Variants in DYNLT3 observed in about 807,000 individuals in gnomAD.
DYNLT3 encodes protein 91/23.
Under a neutral mutation model 11.0 loss-of-function variants are expected in DYNLT3, and 4 were observed. The ratio of observed to expected loss-of-function variants is 0.36; its 90% CI spans 0.18 to 0.83. DYNLT3 has a LOEUF of 0.83. Ranked by LOEUF, DYNLT3 falls within the 40% of genes least tolerant of loss-of-function variation. The probability of loss-of-function intolerance (pLI) is 0.47; values close to 1 mark genes in which losing one functional copy is unlikely to be tolerated. For missense variants in DYNLT3, 91 were observed against 91.1 expected (o/e 1.00, Z 0.01); for synonymous variants, 37 against 31.2 (o/e 1.18, Z -0.61).
intron 2 of DYNLT3, among the ~76,000 whole-genome samples, chrX:37,844,761 T>C (rs192102172): frequency 9.0e-6 from 1 of 111,184 alleles, no homozygotes; most frequent in Admixed American, 9.5e-5. Flanking sequence ...GTGTTGAACT[T>C]GGGCTTTAGT....
chrX:37,844,703 G>A (rs1441527223), intron 2 of DYNLT3, among the ~76,000 whole-genome samples: 1 of 111,849 alleles, frequency 8.9e-6, no homozygotes, highest in Non-Finnish European at 1.9e-5. Context: ...TACCTGGTTG[G>A]TGGGTGATAA....
At chrX:37,847,147 C>T in intron 1 of DYNLT3, 2 of 1,144,539 alleles carry the variant, frequency 1.7e-6, no homozygotes, top group Non-Finnish European at 2.3e-6. Context: ...AGCGGGAAGA[C>T]CCGTTTTCGA....
At chrX:37,847,028 C>A in intron 1 of DYNLT3, 5 of 1,166,514 alleles carry the variant, frequency 4.3e-6, no homozygotes, top group Non-Finnish European at 5.7e-6. Flanking sequence ...CTTGCCTAAT[C>A]CTGGCAAGCA....
At position 37,840,750 on chromosome X, in the gene DYNLT3, AT is replaced by A; in HGVS notation, c.275-100del. ...CACACACACACACACACACACACAT[AT>A]ACACACACACACACACACACACACA... On this transcript the variant is annotated intron_variant, in intron 4 of 4. Transcript: ENST00000378578. The A allele has an allele frequency of 1.3e-5, 4 of 314,311 alleles. No homozygotes were observed. In the South Asian group the frequency reaches 3.6e-4, roughly 28 times the overall value. 25.9% of individuals were successfully genotyped at this position (314,311 alleles called of 1,213,427 possible). A position where few individuals can be genotyped will look rare whatever the true frequency, so the allele number is the denominator to read the frequency against.
chrX:37,844,300 G>GT (rs1930226659), intron 2 of DYNLT3, among the ~76,000 whole-genome samples: 1 of 99,560 alleles, frequency 1.0e-5, no homozygotes, highest in Non-Finnish European at 1.9e-5. Context: ...GAACAGAAAA[G>GT]CTTAGAATGA....
chrX:37,845,540 G>C (rs1930251941), intron 2 of DYNLT3, among the ~76,000 whole-genome samples: 2 of 111,538 alleles, frequency 1.8e-5, no homozygotes, highest in Admixed American at 1.9e-4. Flanking sequence ...AATTATATTG[G>C]GCAAAAAAGT....
chrX:37,841,275 G>A lies in DYNLT3; in HGVS notation c.197-170C>T, dbSNP rs1315642448. 4.5e-5 allele frequency among the ~76,000 whole-genome samples: 5 copies of A among 111,516 alleles called. No individual in the cohort carries two copies. In the Admixed American group the frequency reaches 4.8e-4, roughly 11 times the overall value. On this transcript the variant is annotated intron_variant, in intron 3 of 4. Transcript: ENST00000378578. ...CAAATAGATTGAAAAAAAAATAAAA[G>A]ACTCTCATCTTTATCTACCATCATG...
intron 2 of DYNLT3, among the ~76,000 whole-genome samples, chrX:37,842,542 T>C (rs1238343589): frequency 9.0e-6 from 1 of 111,685 alleles, no homozygotes; most frequent in Non-Finnish European, 1.9e-5. Context: ...AAGTCAAATA[T>C]CATAATTTCC....
chrX:37,847,458 C>A, intron 1 of DYNLT3, 23 bp downstream of exon 1: 1 of 999,318 alleles, frequency 1.0e-6, no homozygotes, highest in African/African-American at 2.0e-5. Context: ...GGGGGGCGCT[C>A]CCAGGTAGCC....
At chrX:37,846,695 A>C (rs1461328736) in intron 1 of DYNLT3, among the ~76,000 whole-genome samples, 2 of 111,997 alleles carry the variant, frequency 1.8e-5, no homozygotes, top group Non-Finnish European at 3.8e-5. Flanking sequence ...TGTCATAAGA[A>C]TATAGAAATG....
chrX:37,844,754 T>C (rs1930235707), intron 2 of DYNLT3, among the ~76,000 whole-genome samples: 1 of 111,094 alleles, frequency 9.0e-6, no homozygotes, highest in African/African-American at 3.3e-5. Context: ...CCCAAATGTG[T>C]TGAACTTGGG....
At chrX:37,840,777 CACACACACACACATAT>C (rs2042995372) in intron 4 of DYNLT3, 126 bp from the exon 5 acceptor site, 1 of 388,120 alleles carries the variant, frequency 2.6e-6, no homozygotes, top group Non-Finnish European at 4.2e-6. Flanking sequence ...CACACACACA[CACACACACACACATAT>C]ATATATATAT....
At chrX:37,840,936 T>C in intron 4 of DYNLT3, 92 bp downstream of exon 4, 6 of 939,927 alleles carry the variant, frequency 6.4e-6, no homozygotes, top group Non-Finnish European at 9.1e-6. Context: ...CTTTTCAGAA[T>C]TTAATCAGAA....
chrX:37,846,094 C>T (rs142973587), intron 2 of DYNLT3, among the ~76,000 whole-genome samples: 1,632 of 111,912 alleles, frequency 0.015, 37 homozygotes, highest in African/African-American at 0.051. Flanking sequence ...TTGCTTGAAC[C>T]CAGGAGGTGG....
Position 37,839,502 on chromosome X carries a change from C to T in DYNLT3, c.*1073G>A, listed in dbSNP as rs1243426667. 8.9e-6 allele frequency: 1 copy of T among 112,360 alleles called. No individual in the cohort carries two copies. Among genetic ancestry groups the T allele is most frequent in the Non-Finnish European group, 1.9e-5 (1 of 53,159 alleles). The allele number at this position is 112,360 out of a possible 1,213,427, so 9.3% of individuals were successfully genotyped here. A position where few individuals can be genotyped will look rare whatever the true frequency, so the allele number is the denominator to read the frequency against. On this transcript the variant is annotated 3_prime_UTR_variant, in exon 5 of 5. Transcript: ENST00000378578. Reference sequence around the variant, plus strand: ...TATTTACAGATGGTTGTAACTAAAGCAATGACAAAATTTACTACTTGTATA... The same window carrying T: ...TATTTACAGATGGTTGTAACTAAAGTAATGACAAAATTTACTACTTGTATA...
intron 1 of DYNLT3, 59 bp from the exon 2 acceptor site, chrX:37,846,417 C>T (rs1400294181): frequency 2.3e-5 from 26 of 1,114,122 alleles, no homozygotes; most frequent in Non-Finnish European, 3.1e-5. Context: ...TATGACGCTA[C>T]ACAGAATATC....
At chrX:37,842,563 G>C (rs1051897161) in intron 2 of DYNLT3, among the ~76,000 whole-genome samples, 1 of 111,620 alleles carries the variant, frequency 9.0e-6, no homozygotes, top group Non-Finnish European at 1.9e-5. Flanking sequence ...CATAGTGCTT[G>C]ATTTCATCCA....
chrX:37,843,837 T>C (rs1274553696), intron 2 of DYNLT3, among the ~76,000 whole-genome samples: 1 of 111,604 alleles, frequency 9.0e-6, no homozygotes, highest in Non-Finnish European at 1.9e-5. Context: ...CAGAAATAAC[T>C]GCTGAAATTA....
At position 37,841,146 on chromosome X, in the gene DYNLT3, G is replaced by A. The variant is rs777288541; in HGVS notation, c.197-41C>T. The A allele has an allele frequency of 7.1e-6, 8 of 1,133,903 alleles. No homozygotes were observed. The South Asian group carries it at 1.6e-4, about 23-fold the overall frequency. The allele number at this position is 1,133,903 out of a possible 1,213,427, so 93.4% of individuals were successfully genotyped here. ...CAGAATGAGGGCACTTACAGACAAA[G>A]GAAAAGAGAACCAAGGTCAAAGTGT... On this transcript the variant is annotated intron_variant, in intron 3 of 4. Coordinates refer to ENST00000378578, the MANE Select transcript of DYNLT3 (RefSeq NM_006520.3).
Sources: allele counts gnomAD v4.1 joint callset (sites outside exome capture counted in the v4.1 genomes callset), GRCh38; gene constraint gnomAD v4.1.1; transcripts MANE v1.5; gene names NCBI Gene and HGNC (gene_info 2026-07-23, HGNC 2026-07-21).